SMG6: variants seen among roughly 807,000 people sequenced by gnomAD.
The protein encoded by SMG6 is SMG6 nonsense mediated mRNA decay factor.
A neutral mutation model predicts 142.2 loss-of-function variants in SMG6; 66 were observed. The ratio of observed to expected loss-of-function variants is 0.46; its 90% CI spans 0.38 to 0.57. SMG6 has a LOEUF of 0.57. SMG6 is among the 20% of genes least tolerant of loss of function. The pLI is 0.00. For synonymous variants in SMG6, 779 were observed against 702.4 expected, an observed-to-expected ratio of 1.11 and a Z score of -1.72; for missense variants, 1,793 against 1,832.0, an observed-to-expected ratio of 0.98 and a Z score of 0.39.
intron 9 of SMG6, among the ~76,000 whole-genome samples, chr17:2,244,243 T>C (rs1177119650): frequency 2.6e-5 from 4 of 152,334 alleles, no homozygotes; most frequent in East Asian, 1.9e-4. Context: ...AAGAAAATGT[T>C]ACTCTTATTT....
rs376080876 is a variant in SMG6, at chr17:2,275,789, T to C, written c.2661+6858A>G. ...GGGTCCTGGCTGGCAGGTGGAAGAGTTGAAATGTGAATCTCAATAGGATGC... is the reference window on the plus strand; with the variant it reads ...GGGTCCTGGCTGGCAGGTGGAAGAGCTGAAATGTGAATCTCAATAGGATGC... On this transcript the variant is annotated intron_variant, in intron 8 of 18. Coordinates refer to ENST00000263073, the MANE Select transcript of SMG6 (RefSeq NM_017575.5). Among the ~76,000 whole-genome samples the C allele has an allele frequency of 1.1e-4, 16 of 150,400 alleles. No homozygotes were observed. In the South Asian group the frequency reaches 3.4e-3, roughly 32 times the overall value.
chr17:2,164,833 A>G (rs2071284955), intron 13 of SMG6, among the ~76,000 whole-genome samples: 1 of 152,094 alleles, frequency 6.6e-6, no homozygotes, highest in East Asian at 1.9e-4. Context: ...GCTACTCCGG[A>G]GGCTGAGGCA....
At chr17:2,132,050 G>T (rs1001651336) in intron 13 of SMG6, among the ~76,000 whole-genome samples, 1 of 151,930 alleles carries the variant, frequency 6.6e-6, no homozygotes, top group African/African-American at 2.4e-5. Context: ...CCAGCATTGG[G>T]TGACAGAGCA....
intron 13 of SMG6, among the ~76,000 whole-genome samples, chr17:2,110,417 GCTCT>G (rs1239787338): frequency 6.6e-6 from 1 of 152,118 alleles, no homozygotes; most frequent in Admixed American, 6.6e-5. Flanking sequence ...TTAACTACGA[GCTCT>G]CTCTATGCCT....
At chr17:2,303,337 G>A (rs1490588818) in intron 1 of SMG6, 1 of 1,172,520 alleles carries the variant, frequency 8.5e-7, no homozygotes. Flanking sequence ...CTGGGAATCC[G>A]GGGCGGGTCT....
chr17:2,098,627 T>C (rs1253864728), intron 13 of SMG6, among the ~76,000 whole-genome samples: 3 of 152,184 alleles, frequency 2.0e-5, no homozygotes, highest in South Asian at 4.1e-4. Context: ...TTATGTTACA[T>C]ACTTTTTGTT....
At chr17:2,242,356 CAAAAAAAAAAAA>C (rs57062488) in intron 9 of SMG6, among the ~76,000 whole-genome samples, 6 of 73,512 alleles carry the variant, frequency 8.2e-5, no homozygotes, top group African/African-American at 2.7e-4. Flanking sequence ...ACTGAAGATA[CAAAAAAAAAAAA>C]AAAAAAAAAA....
At chr17:2,194,697 G>C (rs73979424) in intron 10 of SMG6, among the ~76,000 whole-genome samples, 10 of 87,822 alleles carry the variant, frequency 1.1e-4, no homozygotes, top group East Asian at 5.5e-4. Context: ...CAAAAGAAAA[G>C]AAAACAAAAC....
At chr17:2,174,552 C>T (rs1032051162) in intron 12 of SMG6, among the ~76,000 whole-genome samples, 11 of 152,122 alleles carry the variant, frequency 7.2e-5, no homozygotes, top group Non-Finnish European at 1.2e-4. Context: ...GGGAACCAGA[C>T]GGAACACAGC....
intron 18 of SMG6, 26 bp downstream of exon 18, chr17:2,065,047 A>T (rs1008815171): frequency 1.2e-5 from 19 of 1,595,326 alleles, no homozygotes; most frequent in Non-Finnish European, 1.6e-5. Flanking sequence ...GGGATGGAAG[A>T]TCCCAAGGCG....
chr17:2,238,495 A>T (rs989657675), intron 9 of SMG6, among the ~76,000 whole-genome samples: 1 of 152,198 alleles, frequency 6.6e-6, no homozygotes, highest in African/African-American at 2.4e-5. Context: ...TTAAACCCTG[A>T]CACTGTGCAG....
rs2075345132 is a variant in SMG6 at position 2,303,726 on chromosome 17, C to T, written c.-6G>A. The T allele has an allele frequency of 6.7e-7, 1 of 1,491,512 alleles. No individual in the cohort carries two copies. Among genetic ancestry groups the T allele is most frequent in the Non-Finnish European group, 8.9e-7 (1 of 1,127,034 alleles). The allele number at this position is 1,491,512 out of a possible 1,614,324, so 92.4% of individuals were successfully genotyped here. A position where few individuals can be genotyped will look rare whatever the true frequency, so the allele number is the denominator to read the frequency against. ...CGCTCCAGCCCTTCCGCCATCTTCGCGGCTGCTGCTACAGCCGTAGCGGCT... is the reference window on the plus strand; with the variant it reads ...CGCTCCAGCCCTTCCGCCATCTTCGTGGCTGCTGCTACAGCCGTAGCGGCT... On this transcript the variant is annotated 5_prime_UTR_variant, in exon 1 of 19. Transcript: ENST00000263073.
chr17:2,243,933 G>A (rs1270859091), intron 9 of SMG6, among the ~76,000 whole-genome samples: 2 of 152,160 alleles, frequency 1.3e-5, no homozygotes, highest in Non-Finnish European at 2.9e-5. Flanking sequence ...ATACTAAAGA[G>A]GCACCAGGCA....
At chr17:2,072,766 G>A (rs1311762253) in intron 15 of SMG6, 1 of 152,194 alleles carries the variant, frequency 6.6e-6, no homozygotes, top group Non-Finnish European at 1.5e-5. Flanking sequence ...CATAGGGAGT[G>A]CGGCTGCTTC....
In SMG6 at chr17:2,085,836, T is replaced by C. The variant is rs1188056687; in HGVS notation, c.3423A>G (p.Gln1141=). ...CCTTGAATGCCAGCAGAGGCTCTTC[T>C]TGTCCACAAAGGGCTTCCAGAAAAT... ...LKYFLEALCG[Q]EEPLLAFKGG... is the part of the protein sequence containing the mutation. Residue 1141 remains glutamine (Q), a synonymous_variant, in exon 14 of 19, where the codon CAA becomes CAG. Transcript: ENST00000263073. This position sits in a 1 kb window ranked among gnomAD's most constrained non-coding sequence, Gnocchi z 4.1. 24 of 1,614,270 alleles carry C rather than the reference T, an allele frequency of 1.5e-5. No individual in the cohort carries two copies. Among genetic ancestry groups the C allele is most frequent in the Non-Finnish European group, 1.9e-5 (22 of 1,180,054 alleles).
chr17:2,133,830 T>C (rs1429664505), intron 13 of SMG6, among the ~76,000 whole-genome samples: 1 of 152,176 alleles, frequency 6.6e-6, no homozygotes, highest in Admixed American at 6.5e-5. Flanking sequence ...TCTCTTTAAA[T>C]ATATGGGGCA....
chr17:2,111,809 G>C (rs2069329818), intron 13 of SMG6, among the ~76,000 whole-genome samples: 1 of 152,184 alleles, frequency 6.6e-6, no homozygotes, highest in Non-Finnish European at 1.5e-5. Flanking sequence ...AAGGAGAACA[G>C]GCTTTTCCAG....
intron 15 of SMG6, among the ~76,000 whole-genome samples, chr17:2,070,996 G>A (rs765264839): frequency 2.6e-5 from 4 of 152,296 alleles, no homozygotes; most frequent in Middle Eastern, 3.4e-3. Context: ...CAGGCCATGC[G>A]CTCTCCGTCT....
At chr17:2,148,117 G>A (rs779082265) in intron 13 of SMG6, among the ~76,000 whole-genome samples, 40 of 152,264 alleles carry the variant, frequency 2.6e-4, no homozygotes, top group Admixed American at 1.7e-3. Flanking sequence ...TTTGAGCCCA[G>A]GAGGTGCAGG....
Sources: allele counts gnomAD v4.1 joint callset (sites outside exome capture counted in the v4.1 genomes callset), GRCh38; gene constraint gnomAD v4.1.1; non-coding constraint Gnocchi (gnomAD v3.1); transcripts MANE v1.5; gene names NCBI Gene and HGNC (gene_info 2026-07-23, HGNC 2026-07-21).